PTDSS1: variants seen among roughly 807,000 people sequenced by gnomAD.
PTDSS1 encodes PSS-1.
Under a neutral mutation model 70.5 loss-of-function variants are expected in PTDSS1, and 45 were observed. The observed-to-expected ratio is 0.64, with a 90% CI of 0.50 to 0.82. The LOEUF is 0.82. Ranked by LOEUF, PTDSS1 falls within the 40% of genes least tolerant of loss-of-function variation. PTDSS1 has a pLI of 0.00. For synonymous variants in PTDSS1, 188 were observed against 203.8 expected (o/e 0.92, Z 0.66); for missense variants, 417 against 586.1 (o/e 0.71, Z 2.98).
chr8:96,270,482 G>C (rs1179793701), intron 1 of PTDSS1, among the ~76,000 whole-genome samples: 2 of 152,290 alleles, frequency 1.3e-5, no homozygotes, highest in Middle Eastern at 3.4e-3. Context: ...ATCCTCACCT[G>C]TCAGGCATTC....
chr8:96,295,147 A>G lies in PTDSS1; in HGVS notation c.491A>G (p.His164Arg). 1 of 1,614,112 alleles carries G rather than the reference A, an allele frequency of 6.2e-7. No homozygotes were observed. The highest frequency in any genetic ancestry group is 1.7e-5 in the Admixed American group (1 of 60,018). ...HVITWERIIS[H>R]FDIFAFGHFW... ...ATCACCTGGGAGAGGATTATCAGCC[A>G]CTTTGATATTTTTGCATTTGGACAT... The change falls in exon 5 of 13, where the codon CAC (histidine) becomes CGC (arginine). Residue 164 changes from histidine (H) to arginine (R), a missense_variant. By Grantham distance (29) the His-to-Arg change is conservative (BLOSUM62 0). This residue lies in a region of PTDSS1 where 272 missense variants were observed against 429.5 expected (regional missense o/e 0.63). Coordinates refer to ENST00000517309, the MANE Select transcript of PTDSS1 (RefSeq NM_014754.3).
intron 1 of PTDSS1, among the ~76,000 whole-genome samples, chr8:96,272,003 AT>A (rs1013136412): frequency 2.6e-5 from 4 of 151,802 alleles, no homozygotes; most frequent in African/African-American, 7.3e-5. Flanking sequence ...TTCTATTTAG[AT>A]TTTTTTACTT....
chr8:96,308,346 G>C (rs182822820), intron 8 of PTDSS1, among the ~76,000 whole-genome samples: 11 of 152,222 alleles, frequency 7.2e-5, no homozygotes, highest in African/African-American at 2.4e-4. Flanking sequence ...TTTATAATTA[G>C]AATTCTTCAC....
intron 8 of PTDSS1, chr8:96,309,183 C>G (rs1811169006): frequency 8.6e-6 from 1 of 116,212 alleles, no homozygotes; most frequent in Non-Finnish European, 1.7e-5. Context: ...TAATCTGGCT[C>G]TTTTTAGTGG....
chr8:96,330,100 G>A (rs1395768055), intron 10 of PTDSS1, 113 bp from the exon 11 acceptor site: 7 of 990,494 alleles, frequency 7.1e-6, no homozygotes, highest in Non-Finnish European at 7.8e-6. Context: ...TTTTGTAACC[G>A]GCGTCCAGAC....
chr8:96,289,961 G>T (rs966023554), intron 4 of PTDSS1, among the ~76,000 whole-genome samples: 1 of 152,112 alleles, frequency 6.6e-6, no homozygotes, highest in African/African-American at 2.4e-5. Flanking sequence ...GCAGATGACG[G>T]TTATGAGAAT....
At chr8:96,314,821 C>T (rs1208485881) in intron 9 of PTDSS1, among the ~76,000 whole-genome samples, 3 of 152,172 alleles carry the variant, frequency 2.0e-5, no homozygotes. Flanking sequence ...TGGTCTCGAT[C>T]TCCTGACCTC....
chr8:96,321,073 G>A, intron 10 of PTDSS1, among the ~76,000 whole-genome samples: 1 of 152,138 alleles, frequency 6.6e-6, no homozygotes, highest in Admixed American at 6.5e-5. Context: ...AATGTATTGG[G>A]CTTTTTAAAT....
Position 96,331,108 on chromosome 8 carries a change from T to C in PTDSS1, c.1312+13T>C, listed in dbSNP as rs1811510242. Reference sequence around the variant, plus strand: ...AAAGGGACAAAAGGTATCTTGTTCTTGTTCGTTGTTTAAAATTTTACTGGG... The same window carrying C: ...AAAGGGACAAAAGGTATCTTGTTCTCGTTCGTTGTTTAAAATTTTACTGGG... On this transcript the variant is annotated intron_variant, in intron 12 of 12. Transcript: ENST00000517309. 1 of 1,594,778 alleles carries C rather than the reference T, an allele frequency of 6.3e-7. No individual in the cohort carries two copies. Among genetic ancestry groups the C allele is most frequent in the African/African-American group, 1.3e-5 (1 of 74,476 alleles).
At chr8:96,304,220 A>C in intron 7 of PTDSS1, 39 bp downstream of exon 7, 1 of 1,573,838 alleles carries the variant, frequency 6.4e-7, no homozygotes, top group South Asian at 1.2e-5. Context: ...AGGAAAACAA[A>C]AACTAAAATA....
intron 7 of PTDSS1, 50 bp from the exon 8 acceptor site, chr8:96,306,394 T>A (rs1811124680): frequency 7.6e-7 from 1 of 1,319,672 alleles, no homozygotes; most frequent in Non-Finnish European, 1.1e-6. Context: ...AATAGAGGAT[T>A]TTGAATTAGC....
chr8:96,310,492 T>G (rs1315807361), intron 9 of PTDSS1, among the ~76,000 whole-genome samples: 1 of 150,770 alleles, frequency 6.6e-6, no homozygotes, highest in African/African-American at 2.4e-5. Flanking sequence ...TTAAATAAAT[T>G]AGGAAATCAG....
Position 96,331,031 on chromosome 8 carries a change from C to T in PTDSS1, c.1248C>T (p.Tyr416=), listed in dbSNP as rs375834682. ...AEHYGHREKT[Y]SECEDGTYSP... is the part of the protein sequence containing the mutation. ...AAGCCTGTCTCTCTCCCTAGACCTA[C>T]TCGGAGTGTGAAGATGGCACCTACA... The change falls in exon 12 of 13, where the codon TAC becomes TAT. Residue 416 remains tyrosine (Y), a synonymous_variant. Coordinates refer to ENST00000517309, the MANE Select transcript of PTDSS1 (RefSeq NM_014754.3). 1.9e-6 allele frequency: 3 copies of T among 1,612,828 alleles called. No individual in the cohort carries two copies. Among genetic ancestry groups the T allele is most frequent in the African/African-American group, 1.3e-5 (1 of 74,898 alleles).
At chr8:96,312,570 A>T (rs956635657) in intron 9 of PTDSS1, among the ~76,000 whole-genome samples, 1 of 151,968 alleles carries the variant, frequency 6.6e-6, no homozygotes, top group Admixed American at 6.5e-5. Context: ...AAATATACTG[A>T]AATGCAAAGG....
chr8:96,270,749 CAAAT>C (rs59314608), intron 1 of PTDSS1, among the ~76,000 whole-genome samples: 2,797 of 152,238 alleles, frequency 0.018, 73 homozygotes, highest in African/African-American at 0.064. Context: ...CCTAATTAGA[CAAAT>C]ATAAAACTGC....
intron 4 of PTDSS1, among the ~76,000 whole-genome samples, chr8:96,292,305 A>G (rs577474603): frequency 3.3e-5 from 5 of 151,624 alleles, no homozygotes; most frequent in East Asian, 3.9e-4. Flanking sequence ...AAAAAAAAAA[A>G]AAAAAGAAAA....
Position 96,324,408 on chromosome 8 carries a change from C to T in PTDSS1, c.1173+4063C>T, listed in dbSNP as rs564114263. ...TAGTAACCACCCCACTTTTTGGTAC[C>T]GATTTTCTGTCTTAGTCCATTTTCT... On this transcript the variant is annotated intron_variant, in intron 10 of 12. Coordinates refer to ENST00000517309, the MANE Select transcript of PTDSS1 (RefSeq NM_014754.3). 9.9e-5 allele frequency among the ~76,000 whole-genome samples: 15 copies of T among 152,106 alleles called. No individual in the cohort carries two copies. The East Asian group carries it at 1.5e-3, about 16-fold the overall frequency.
intron 9 of PTDSS1, among the ~76,000 whole-genome samples, chr8:96,311,241 T>A (rs1382932334): frequency 6.6e-6 from 1 of 152,172 alleles, no homozygotes; most frequent in Non-Finnish European, 1.5e-5. Context: ...TCCAGAGACA[T>A]CCAGCAAATC....
At chr8:96,312,477 TAAAAAAAA>T in intron 9 of PTDSS1, among the ~76,000 whole-genome samples, 1 of 137,924 alleles carries the variant, frequency 7.3e-6, no homozygotes, top group South Asian at 2.3e-4. Context: ...TTTTTTTTTT[TAAAAAAAA>T]AAGGAAAAAA....
Sources: allele counts gnomAD v4.1 joint callset (sites outside exome capture counted in the v4.1 genomes callset), GRCh38; gene constraint gnomAD v4.1.1; regional missense constraint gnomAD v4.1.1; transcripts MANE v1.5; gene names NCBI Gene and HGNC (gene_info 2026-07-23, HGNC 2026-07-21).